The following PCDHA2 variants were observed in gnomAD, a reference collection of about 807,000 sequenced individuals.
PCDHA2 encodes the protein protocadherin alpha-2.
In PCDHA2, 58 loss-of-function variants were observed where a neutral mutation model predicts 66.0. The ratio of observed to expected loss-of-function variants is 0.88; its 90% CI spans 0.71 to 1.09. The LOEUF (loss-of-function observed/expected upper bound fraction) is 1.09, where lower values mean the gene tolerates loss of function less well. Among genes scored for constraint, PCDHA2 ranks in the 50% least tolerant of loss-of-function variants. The probability of loss-of-function intolerance (pLI) is 0.00; values close to 1 mark genes in which losing one functional copy is unlikely to be tolerated. For synonymous variants in PCDHA2, 634 were observed against 554.0 expected (o/e 1.14, Z -2.03); for missense variants, 1,267 against 1,242.3 (o/e 1.02, Z -0.30).
At chr5:140,968,480 A>G in intron 1 of PCDHA2, 1 of 1,614,140 alleles carries the variant, frequency 6.2e-7, no homozygotes. Flanking sequence ...TGTGGTGGAC[A>G]TGAATGACCA....
intron 1 of PCDHA2, chr5:140,813,507 A>G (rs544423218): frequency 6.6e-6 from 1 of 152,202 alleles, no homozygotes; most frequent in Non-Finnish European, 1.5e-5. Flanking sequence ...TACAGTAAAA[A>G]CATTGTACAG....
At position 140,924,046 on chromosome 5, in the gene PCDHA2, C is replaced by T. The variant is rs59270862; in HGVS notation, c.2389-54903C>T. Among the ~76,000 whole-genome samples, 1,259 of 152,276 alleles carry T rather than the reference C, an allele frequency of 8.3e-3. 10 individuals are homozygous for T. The highest frequency in any genetic ancestry group is 0.029 in the African/African-American group (1,206 of 41,556). ...AGGCATGGCTGCAGACCTAAAAGTT[C>T]GGTACATCTTTACAGTTGTATTTCA... is the stretch of plus-strand genomic sequence containing the variant. On this transcript the variant is annotated intron_variant, in intron 1 of 3. Coordinates refer to ENST00000526136, the MANE Select transcript of PCDHA2 (RefSeq NM_018905.3).
intron 1 of PCDHA2, chr5:140,871,504 C>CT: frequency 6.3e-7 from 1 of 1,581,824 alleles, no homozygotes; most frequent in South Asian, 1.1e-5. Flanking sequence ...GGTGAGTTTT[C>CT]TACAGATTCC....
At chr5:140,841,029 T>C (rs1554137976) in intron 1 of PCDHA2, among the ~76,000 whole-genome samples, 2 of 152,050 alleles carry the variant, frequency 1.3e-5, no homozygotes, top group African/African-American at 2.4e-5. Context: ...GCCTCTGCAA[T>C]TGATAAAGTT....
In PCDHA2 at chr5:140,883,707, A is replaced by G. The variant is rs565073045; in HGVS notation, c.2388+86355A>G. 6 of 1,613,636 alleles carry G rather than the reference A, an allele frequency of 3.7e-6. No individual in the cohort carries two copies. Among genetic ancestry groups the G allele is most frequent in the East Asian group, 4.5e-5 (2 of 44,860 alleles). On this transcript the variant is annotated intron_variant, in intron 1 of 3. Transcript: ENST00000526136. ...TGCCACATCTTCACGGTGTCTGCTC[A>G]GGACGCGGACGCACAGGAGAACGCG...
rs2150519763 is a variant in PCDHA2 at position 140,852,589 on chromosome 5, T to A, written c.2388+55237T>A. The A allele has an allele frequency of 2.2e-3, 1,950 of 884,634 alleles. 113 individuals are homozygous for A. Among genetic ancestry groups the A allele is most frequent in the South Asian group, 8.1e-3 (160 of 19,680 alleles). 54.8% of individuals were successfully genotyped at this position (884,634 alleles called of 1,614,324 possible). A position where few individuals can be genotyped will look rare whatever the true frequency, so the allele number is the denominator to read the frequency against. On this transcript the variant is annotated intron_variant, in intron 1 of 3. Coordinates refer to ENST00000526136, the MANE Select transcript of PCDHA2 (RefSeq NM_018905.3). Reference sequence around the variant, plus strand: ...CTGTGCCAAGGCTTTTTTATTTTTTTTTTTTGTCATTTTCTTTCAAAACTT... The same window carrying A: ...CTGTGCCAAGGCTTTTTTATTTTTTATTTTTGTCATTTTCTTTCAAAACTT...
intron 1 of PCDHA2, chr5:140,929,251 G>A (rs782590821): frequency 6.2e-7 from 1 of 1,613,534 alleles, no homozygotes; most frequent in South Asian, 1.1e-5. Flanking sequence ...TGCCACTGGG[G>A]TAGGACTGAA....
chr5:140,863,274 G>A, intron 1 of PCDHA2: 1 of 1,461,698 alleles, frequency 6.8e-7, no homozygotes. Flanking sequence ...CAGCGCTGGT[G>A]GATGTCAACG....
chr5:140,960,134 A>G (rs1480555997), intron 1 of PCDHA2, among the ~76,000 whole-genome samples: 10 of 152,232 alleles, frequency 6.6e-5, no homozygotes, highest in African/African-American at 2.2e-4. Context: ...TGAAATACTT[A>G]GATATTAATA....
At chr5:140,923,373 T>A (rs1354356076) in intron 1 of PCDHA2, among the ~76,000 whole-genome samples, 4 of 152,048 alleles carry the variant, frequency 2.6e-5, no homozygotes, top group South Asian at 2.1e-4. Flanking sequence ...AAAATATTTT[T>A]AAAAATTAGT....
chr5:141,004,369 C>A (rs1239142670), intron 3 of PCDHA2, among the ~76,000 whole-genome samples: 1 of 152,206 alleles, frequency 6.6e-6, no homozygotes, highest in Non-Finnish European at 1.5e-5. Flanking sequence ...ACACCTTGTT[C>A]TGCTCTGCGG....
rs782166832 is a variant in PCDHA2, at chr5:140,882,300, C to G, written c.2388+84948C>G. 1.4e-5 allele frequency: 22 copies of G among 1,613,604 alleles called. No individual in the cohort carries two copies. The East Asian group carries it at 4.5e-4, about 33-fold the overall frequency. The stretch of plus-strand genomic sequence containing the variant: ...TCTTCCTGGCAAGGAGGCCCAAGAC[C>G]GCGGCAACTACTGCTCTGGCTTCTG... On this transcript the variant is annotated intron_variant, in intron 1 of 3. Coordinates refer to ENST00000526136, the MANE Select transcript of PCDHA2 (RefSeq NM_018905.3).
intron 1 of PCDHA2, among the ~76,000 whole-genome samples, chr5:140,936,452 T>C (rs1447343887): frequency 2.0e-5 from 3 of 152,216 alleles, no homozygotes; most frequent in African/African-American, 7.2e-5. Flanking sequence ...ACCACATCTG[T>C]TTAGTGGTTG....
intron 1 of PCDHA2, among the ~76,000 whole-genome samples, chr5:140,841,026 C>A (rs1322339232): frequency 6.6e-6 from 1 of 151,940 alleles, no homozygotes; most frequent in African/African-American, 2.4e-5. Context: ...AATGCCTCTG[C>A]AATTGATAAA....
At chr5:140,992,153 T>C (rs191199905) in intron 3 of PCDHA2, among the ~76,000 whole-genome samples, 76 of 152,066 alleles carry the variant, frequency 5.0e-4, no homozygotes, top group African/African-American at 1.8e-3. Flanking sequence ...CTTTGCTCAA[T>C]CAAGAAGTGT....
intron 1 of PCDHA2, among the ~76,000 whole-genome samples, chr5:140,937,011 G>A (rs567332621): frequency 9.2e-5 from 14 of 151,352 alleles, no homozygotes; most frequent in Non-Finnish European, 1.8e-4. Flanking sequence ...ACAGACAACC[G>A]ATTAACAAGG....
intron 1 of PCDHA2, among the ~76,000 whole-genome samples, chr5:140,911,856 T>C (rs1252396387): frequency 6.6e-6 from 1 of 152,184 alleles, no homozygotes; most frequent in Non-Finnish European, 1.5e-5. Context: ...TCCTTAATAG[T>C]CTGTTCTTCT....
At chr5:140,865,173 T>C (rs1230117656) in intron 1 of PCDHA2, 1 of 152,234 alleles carries the variant, frequency 6.6e-6, no homozygotes, top group African/African-American at 2.4e-5. Context: ...TGATGCAAAA[T>C]ATTTTTTGCC....
At chr5:140,986,427 G>A (rs937088313) in intron 3 of PCDHA2, among the ~76,000 whole-genome samples, 19 of 152,186 alleles carry the variant, frequency 1.2e-4, no homozygotes, top group African/African-American at 4.6e-4. Context: ...TTAACTTCAT[G>A]AGTACTAATG....
Sources: gnomAD v4.1 joint callset for allele counts (sites outside exome capture counted in the v4.1 genomes callset) on GRCh38, gnomAD v4.1.1 for gene constraint, MANE v1.5 for transcripts, NCBI Gene and HGNC (gene_info 2026-07-23, HGNC 2026-07-21) for gene names.